FGD4: variants seen among roughly 807,000 people sequenced by gnomAD.
The protein encoded by FGD4 is FYVE, RhoGEF and PH domain-containing protein 4.
FGD4 carries 42 observed loss-of-function variants against 102.0 expected under a neutral mutation model. The ratio of observed to expected loss-of-function variants is 0.41; its 90% CI spans 0.32 to 0.53. The LOEUF (loss-of-function observed/expected upper bound fraction) is 0.53. Among genes scored for constraint, FGD4 ranks in the 20% least tolerant of loss-of-function variants. The pLI is 0.21. For missense variants in FGD4, 902 were observed against 1,078.2 expected (o/e 0.84, Z 2.29); for synonymous variants, 380 against 375.7 (o/e 1.01, Z -0.13).
chr12:32,620,439 T>A (rs1267320159), intron 11 of FGD4, among the ~76,000 whole-genome samples: 1 of 152,106 alleles, frequency 6.6e-6, no homozygotes, highest in Non-Finnish European at 1.5e-5. Flanking sequence ...TGGCTCTTCT[T>A]ATATTTTTAT....
intron 1 of FGD4, among the ~76,000 whole-genome samples, chr12:32,561,767 A>G (rs999554126): frequency 6.6e-6 from 1 of 152,232 alleles, no homozygotes; most frequent in Non-Finnish European, 1.5e-5. Flanking sequence ...GAAATTCAAC[A>G]TATAACTTTT....
intron 2 of FGD4, among the ~76,000 whole-genome samples, chr12:32,568,010 G>GA: frequency 6.6e-6 from 1 of 152,294 alleles, no homozygotes; most frequent in African/African-American, 2.4e-5. Flanking sequence ...TTTAAAAGGG[G>GA]AAAGTATTGC....
chr12:32,429,548 A>G (rs968176585), intron 1 of FGD4, among the ~76,000 whole-genome samples: 3 of 152,250 alleles, frequency 2.0e-5, no homozygotes, highest in Non-Finnish European at 4.4e-5. Context: ...AGCAGGGCTC[A>G]AGCGCTTTGC....
chr12:32,590,843 C>T (rs919604038), intron 4 of FGD4, among the ~76,000 whole-genome samples: 1 of 152,096 alleles, frequency 6.6e-6, no homozygotes. Context: ...TTTCCCAGCT[C>T]CTTAGTTTCA....
At chr12:32,429,465 C>A (rs764359586) in intron 1 of FGD4, among the ~76,000 whole-genome samples, 1 of 152,200 alleles carries the variant, frequency 6.6e-6, no homozygotes, top group Non-Finnish European at 1.5e-5. Context: ...GTCTGTTGAC[C>A]CCTGCTGGGA....
intron 14 of FGD4, among the ~76,000 whole-genome samples, chr12:32,630,627 T>G (rs1315195014): frequency 6.6e-6 from 1 of 151,946 alleles, no homozygotes; most frequent in African/African-American, 2.4e-5. Flanking sequence ...ATCCTGCACA[T>G]GCACATGGTG....
chr12:32,535,511 C>T (rs1797087234), intron 1 of FGD4, among the ~76,000 whole-genome samples: 2 of 152,158 alleles, frequency 1.3e-5, no homozygotes, highest in Admixed American at 6.6e-5. Context: ...CAGTCCATGC[C>T]TGCCCCTGCT....
chr12:32,497,194 G>C (rs11830856), intron 1 of FGD4, among the ~76,000 whole-genome samples: 7,179 of 151,962 alleles, frequency 0.047, 579 homozygotes, highest in African/African-American at 0.16. Flanking sequence ...AGGAATGATG[G>C]GCCACTAAAA....
intron 13 of FGD4, among the ~76,000 whole-genome samples, chr12:32,625,347 G>A (rs946853998): frequency 1.4e-5 from 2 of 144,880 alleles, no homozygotes; most frequent in Admixed American, 7.2e-5. Context: ...TTGGCTCACT[G>A]CAAACTCCGC....
At position 32,640,944 on chromosome 12, in the gene FGD4, A is replaced by G. The variant is rs886049256; in HGVS notation, c.*411A>G. On this transcript the variant is annotated 3_prime_UTR_variant, in exon 17 of 17. Transcript: ENST00000534526. ...TGTTGCCAAAATAGATCCATGGTGAAAAATACAGGGACAGTTGAGGCTATT... is the reference window on the plus strand; with the variant it reads ...TGTTGCCAAAATAGATCCATGGTGAGAAATACAGGGACAGTTGAGGCTATT... The G allele has an allele frequency of 1.6e-5, 5 of 309,492 alleles. No homozygotes were observed. The highest frequency in any genetic ancestry group is 3.0e-5 in the Non-Finnish European group (5 of 166,842). The allele number at this position is 309,492 out of a possible 1,614,324, so 19.2% of individuals were successfully genotyped here.
intron 1 of FGD4, among the ~76,000 whole-genome samples, chr12:32,473,267 C>G (rs1400557786): frequency 2.0e-5 from 3 of 152,004 alleles, no homozygotes; most frequent in Non-Finnish European, 4.4e-5. Flanking sequence ...CCCTTCCACA[C>G]TGTGGAAGTT....
chr12:32,424,595 A>T (rs1041130038), intron 1 of FGD4, among the ~76,000 whole-genome samples: 1 of 152,098 alleles, frequency 6.6e-6, no homozygotes, highest in African/African-American at 2.4e-5. Context: ...CGATAATGGG[A>T]TTGCTGGGTC....
rs1240738114 is a variant in FGD4, at chr12:32,544,867, C to G, written c.167-19270C>G. On this transcript the variant is annotated intron_variant, in intron 1 of 16. Transcript: ENST00000534526. The surrounding 1 kb of genome is among the most constrained non-coding windows in gnomAD (Gnocchi z 4.1). ...TTTTGATCCAAGCCTGTTAATAACA[C>G]TAAGCATGGTGACTCTCAACCATGA... Among the ~76,000 whole-genome samples, 2 of 152,194 alleles carry G rather than the reference C, an allele frequency of 1.3e-5. No individual in the cohort carries two copies. Among genetic ancestry groups the G allele is most frequent in the African/African-American group, 4.8e-5 (2 of 41,440 alleles).
intron 1 of FGD4, among the ~76,000 whole-genome samples, chr12:32,422,287 G>GTTTTTT (rs1565730786): frequency 2.2e-5 from 2 of 91,678 alleles, no homozygotes; most frequent in African/African-American, 4.0e-5. Flanking sequence ...ATTGGGAGCT[G>GTTTTTT]CTTTTTTTTT....
chr12:32,432,062 T>G (rs1361385837), intron 1 of FGD4, among the ~76,000 whole-genome samples: 3 of 64,984 alleles, frequency 4.6e-5, no homozygotes, highest in African/African-American at 9.7e-5. Flanking sequence ...TTTTTTTTTT[T>G]TTTTTTTTTT....
At chr12:32,615,704 A>T (rs1592416321) in intron 10 of FGD4, among the ~76,000 whole-genome samples, 1 of 152,004 alleles carries the variant, frequency 6.6e-6, no homozygotes, top group South Asian at 2.1e-4. Context: ...CACCAGCGTC[A>T]GGAGGCAGAG....
At chr12:32,543,783 C>A (rs1044541703) in intron 1 of FGD4, among the ~76,000 whole-genome samples, 6 of 152,102 alleles carry the variant, frequency 3.9e-5, no homozygotes, top group East Asian at 1.9e-4. Context: ...CCCGCCACCA[C>A]GCCCAGCTAA....
At chr12:32,401,724 T>A (rs1940669347) in intron 1 of FGD4, among the ~76,000 whole-genome samples, 2 of 118,506 alleles carry the variant, frequency 1.7e-5, no homozygotes, top group Admixed American at 1.9e-4. Context: ...CTCTTTTCCA[T>A]TCTTTTTTTT....
At chr12:32,476,940 GAC>G (rs1943597838) in intron 1 of FGD4, among the ~76,000 whole-genome samples, 3 of 152,168 alleles carry the variant, frequency 2.0e-5, no homozygotes, top group Non-Finnish European at 4.4e-5. Context: ...GTACTGAAAA[GAC>G]ACTCTTGGCT....
Sources: allele counts gnomAD v4.1 joint callset (sites outside exome capture counted in the v4.1 genomes callset), GRCh38; gene constraint gnomAD v4.1.1; non-coding constraint Gnocchi (gnomAD v3.1); transcripts MANE v1.5; gene names NCBI Gene and HGNC (gene_info 2026-07-23, HGNC 2026-07-21).